SRL: variants seen among roughly 807,000 people sequenced by gnomAD.
SRL encodes sarcalumenin.
In SRL, 23 loss-of-function variants were observed where a neutral mutation model predicts 39.5. The observed-to-expected ratio is 0.58, with a 90% CI of 0.42 to 0.82. The LOEUF (loss-of-function observed/expected upper bound fraction) is 0.82, where lower values mean the gene tolerates loss of function less well. SRL is among the 40% of genes least tolerant of loss of function. SRL has a pLI of 0.00. For missense variants in SRL, 592 were observed against 607.8 expected, an observed-to-expected ratio of 0.97 and a Z score of 0.27; for synonymous variants, 272 against 237.4, an observed-to-expected ratio of 1.15 and a Z score of -1.34.
At chr16:4,202,640 G>A (rs1021385904) in intron 3 of SRL, among the ~76,000 whole-genome samples, 2 of 148,924 alleles carry the variant, frequency 1.3e-5, no homozygotes, top group East Asian at 1.9e-4. Flanking sequence ...ATTTTTCAAC[G>A]TATACCATTC....
chr16:4,226,476 T>A (rs573528861), intron 1 of SRL, among the ~76,000 whole-genome samples: 47 of 147,854 alleles, frequency 3.2e-4, no homozygotes, highest in Non-Finnish European at 6.7e-4. Context: ...GATAGACGGA[T>A]GAATGGGTAG....
chr16:4,205,585 G>C (rs2052308134), intron 1 of SRL, among the ~76,000 whole-genome samples: 1 of 151,930 alleles, frequency 6.6e-6, no homozygotes, highest in Non-Finnish European at 1.5e-5. Context: ...AGTGAGTTAG[G>C]TGACCAGTGG....
intron 1 of SRL, among the ~76,000 whole-genome samples, chr16:4,232,507 T>A (rs11647531): frequency 0.01 from 1,551 of 151,868 alleles, 18 homozygotes; most frequent in Non-Finnish European, 0.017. Flanking sequence ...CCTATTGCCA[T>A]CTAGACGAAT....
At chr16:4,230,188 C>T (rs1484848123) in intron 1 of SRL, among the ~76,000 whole-genome samples, 1 of 152,140 alleles carries the variant, frequency 6.6e-6, no homozygotes, top group Non-Finnish European at 1.5e-5. Context: ...TCCATCTGTT[C>T]ATTCAACACA....
intron 3 of SRL, among the ~76,000 whole-genome samples, chr16:4,202,762 G>A (rs1597272105): frequency 2.0e-5 from 3 of 152,250 alleles, no homozygotes; most frequent in Admixed American, 2.0e-4. Flanking sequence ...ATAGCAGGAG[G>A]GGAAGGAACG....
At chr16:4,193,343 T>C (rs1227631971) in intron 5 of SRL, among the ~76,000 whole-genome samples, 8 of 152,192 alleles carry the variant, frequency 5.3e-5, no homozygotes, top group Admixed American at 5.2e-4. Flanking sequence ...TGATCATTGT[T>C]TTAATCTACT....
intron 3 of SRL, among the ~76,000 whole-genome samples, chr16:4,200,554 C>T (rs1030431342): frequency 1.3e-5 from 2 of 152,178 alleles, no homozygotes; most frequent in Non-Finnish European, 2.9e-5. Context: ...GAGCGCCATG[C>T]CCTGGGGACT....
At chr16:4,203,586 A>G (rs1047522118) in intron 2 of SRL, among the ~76,000 whole-genome samples, 11 of 152,098 alleles carry the variant, frequency 7.2e-5, no homozygotes, top group African/African-American at 2.4e-4. Flanking sequence ...CAGTGGTGCA[A>G]TCATAGCTCA....
chr16:4,191,901 C>A lies in SRL; in HGVS notation c.*252G>T. The A allele has an allele frequency of 2.3e-6, 1 of 439,516 alleles. No homozygotes were observed. Among genetic ancestry groups the A allele is most frequent in the Admixed American group, 3.9e-5 (1 of 25,674 alleles). The allele number at this position is 439,516 out of a possible 1,614,324, so 27.2% of individuals were successfully genotyped here. A position where few individuals can be genotyped will look rare whatever the true frequency, so the allele number is the denominator to read the frequency against. ...CTTCCAAGACAGGACCCAGGAAAAG[C>A]AGGTGGAGGCTGACTTGCCTCAATC... On this transcript the variant is annotated 3_prime_UTR_variant, in exon 6 of 6. Transcript: ENST00000399609.
At chr16:4,212,385 C>A (rs1311701881) in intron 1 of SRL, among the ~76,000 whole-genome samples, 1 of 152,198 alleles carries the variant, frequency 6.6e-6, no homozygotes, top group Admixed American at 6.5e-5. Flanking sequence ...CTCTTGGAGG[C>A]GCAGACAGAG....
chr16:4,231,182 G>T (rs948954385), intron 1 of SRL, among the ~76,000 whole-genome samples: 1 of 152,140 alleles, frequency 6.6e-6, no homozygotes, highest in Non-Finnish European at 1.5e-5. Flanking sequence ...TGAGCATGGT[G>T]GTGCATGCCT....
In SRL at chr16:4,190,841, G is replaced by A. The variant is rs150193588; in HGVS notation, c.*1312C>T. On this transcript the variant is annotated 3_prime_UTR_variant, in exon 6 of 6. Coordinates refer to ENST00000399609, the MANE Select transcript of SRL (RefSeq NM_001098814.2). ...TGTTGATGCATCAGGGAATGGAGAA[G>A]AAAGGAAAGGAAAAGCCATGGTGTG... The A allele has an allele frequency of 4.4e-3, 795 of 181,546 alleles. No individual in the cohort carries two copies. Among genetic ancestry groups the A allele is most frequent in the South Asian group, 0.012 (60 of 5,084 alleles). The allele number at this position is 181,546 out of a possible 1,614,324, so 11.2% of individuals were successfully genotyped here.
chr16:4,206,355 C>T (rs1481396076), intron 1 of SRL, among the ~76,000 whole-genome samples: 1 of 152,170 alleles, frequency 6.6e-6, no homozygotes, highest in Non-Finnish European at 1.5e-5. Context: ...AGGGAAGTTC[C>T]CAACCCACCC....
chr16:4,199,469 C>T (rs2052193505), intron 3 of SRL, among the ~76,000 whole-genome samples: 1 of 143,732 alleles, frequency 7.0e-6, no homozygotes, highest in Non-Finnish European at 1.5e-5. Context: ...CTCCCAGGCT[C>T]AAGCGATCCT....
At chr16:4,223,710 C>T (rs1567186635) in intron 1 of SRL, among the ~76,000 whole-genome samples, 1 of 152,060 alleles carries the variant, frequency 6.6e-6, no homozygotes, top group Non-Finnish European at 1.5e-5. Context: ...TTTAAACAAG[C>T]TCCCAGAAGA....
chr16:4,206,704 G>A (rs13334805), intron 1 of SRL: 134,494 of 456,586 alleles, frequency 0.29, 21,947 homozygotes, highest in African/African-American at 0.54. Flanking sequence ...GGACGGGGTT[G>A]CTGTTAGGGA....
intron 1 of SRL, among the ~76,000 whole-genome samples, chr16:4,210,433 A>G (rs1389093941): frequency 1.3e-5 from 2 of 151,310 alleles, no homozygotes; most frequent in Non-Finnish European, 2.9e-5. Flanking sequence ...TATCTTCATC[A>G]TACTGAATTT....
intron 3 of SRL, among the ~76,000 whole-genome samples, chr16:4,198,224 T>A (rs1299127511): frequency 6.6e-6 from 1 of 152,174 alleles, no homozygotes; most frequent in Admixed American, 6.5e-5. Flanking sequence ...CCTGGTTAAA[T>A]CTGGAGGAGA....
intron 1 of SRL, among the ~76,000 whole-genome samples, chr16:4,214,850 C>A (rs984907082): frequency 6.6e-6 from 1 of 151,900 alleles, no homozygotes; most frequent in African/African-American, 2.4e-5. Flanking sequence ...TCACTGCAAC[C>A]TCTGCCTCCT....
Sources: allele counts gnomAD v4.1 joint callset (sites outside exome capture counted in the v4.1 genomes callset), GRCh38; gene constraint gnomAD v4.1.1; transcripts MANE v1.5; gene names NCBI Gene and HGNC (gene_info 2026-07-23, HGNC 2026-07-21).